TSPAN12: variants seen among roughly 807,000 people sequenced by gnomAD.
TSPAN12 encodes the protein tetraspanin 12.
Under a neutral mutation model 39.2 loss-of-function variants are expected in TSPAN12, and 19 were observed. The observed-to-expected ratio is 0.49, with a 90% CI of 0.34 to 0.71. The LOEUF (loss-of-function observed/expected upper bound fraction) is 0.71. Among genes scored for constraint, TSPAN12 ranks in the 30% least tolerant of loss-of-function variants. The pLI is 0.01. For synonymous variants in TSPAN12, 119 were observed against 124.8 expected, an observed-to-expected ratio of 0.95 and a Z score of 0.31; for missense variants, 314 against 359.9, an observed-to-expected ratio of 0.87 and a Z score of 1.03.
chr7:120,806,529 T>G lies in TSPAN12; in HGVS notation c.612+20A>C, dbSNP rs763351051. 3 of 1,612,004 alleles carry G rather than the reference T, an allele frequency of 1.9e-6. No individual in the cohort carries two copies. The Admixed American group carries it at 5.0e-5, about 27-fold the overall frequency. ...TAAGAAAACATTTATCCATAATAAA[T>G]TAACCATATATGGCCTCACCTCTTG... On this transcript the variant is annotated intron_variant, in intron 7 of 7. Transcript: ENST00000222747.
chr7:120,843,961 T>C (rs1794624496), intron 2 of TSPAN12, among the ~76,000 whole-genome samples: 1 of 152,190 alleles, frequency 6.6e-6, no homozygotes, highest in South Asian at 2.1e-4. Context: ...GGGTAATTTA[T>C]GAAGAAAAGA....
intron 4 of TSPAN12, among the ~76,000 whole-genome samples, chr7:120,825,957 T>C (rs1794278305): frequency 6.6e-6 from 1 of 152,128 alleles, no homozygotes; most frequent in African/African-American, 2.4e-5. Flanking sequence ...GAAAAATAAA[T>C]TAGAACTATA....
At chr7:120,841,205 C>T (rs975494675) in intron 2 of TSPAN12, among the ~76,000 whole-genome samples, 7 of 152,112 alleles carry the variant, frequency 4.6e-5, no homozygotes, top group East Asian at 1.9e-4. Context: ...CAACATGGTA[C>T]GGTCAGAAGC....
At chr7:120,822,535 A>T (rs1794207194) in intron 4 of TSPAN12, among the ~76,000 whole-genome samples, 1 of 144,058 alleles carries the variant, frequency 6.9e-6, no homozygotes, top group Non-Finnish European at 1.5e-5. Context: ...TGCAAAGCAG[A>T]GAGCAGAGTG....
In TSPAN12 at chr7:120,852,687, C is replaced by T. The variant is rs146006059; in HGVS notation, c.66+4011G>A. On this transcript the variant is annotated intron_variant, in intron 2 of 7. Coordinates refer to ENST00000222747, the MANE Select transcript of TSPAN12 (RefSeq NM_012338.4). ...CAGGTGGACAGCTAATCCCTTCCTT[C>T]TGAGGATGTTTACTTGACTTCTCTC... 4.0e-3 allele frequency among the ~76,000 whole-genome samples: 603 copies of T among 152,314 alleles called. 3 individuals carry two copies. Among genetic ancestry groups the T allele is most frequent in the Non-Finnish European group, 6.3e-3 (430 of 68,016 alleles).
chr7:120,806,759 A>G lies in TSPAN12; in HGVS notation c.469-67T>C, dbSNP rs1370847355. 4 of 1,600,602 alleles carry G rather than the reference A, an allele frequency of 2.5e-6. No individual in the cohort carries two copies. The African/African-American group carries it at 5.4e-5, about 22-fold the overall frequency. ...TATTTTCTTAACTTATAGGAGATTA[A>G]ACATCAGTTTTTTAAAATTTTTGTA... is the stretch of plus-strand genomic sequence containing the variant. On this transcript the variant is annotated intron_variant, in intron 6 of 7. Coordinates refer to ENST00000222747, the MANE Select transcript of TSPAN12 (RefSeq NM_012338.4).
intron 7 of TSPAN12, among the ~76,000 whole-genome samples, chr7:120,802,671 G>C (rs967825726): frequency 6.6e-6 from 1 of 152,128 alleles, no homozygotes. Flanking sequence ...ATTGGTTATC[G>C]TATCATCATT....
In TSPAN12 at chr7:120,787,400, G is replaced by C. The variant is rs1164885896; in HGVS notation, c.*1192C>G. 1 of 152,348 alleles carries C rather than the reference G, an allele frequency of 6.6e-6. No individual in the cohort carries two copies. Among genetic ancestry groups the C allele is most frequent in the Non-Finnish European group, 1.5e-5 (1 of 67,948 alleles). The allele number at this position is 152,348 out of a possible 1,614,324, so 9.4% of individuals were successfully genotyped here. On this transcript the variant is annotated 3_prime_UTR_variant, in exon 8 of 8. Coordinates refer to ENST00000222747, the MANE Select transcript of TSPAN12 (RefSeq NM_012338.4). ...AAATAAACAAAATACACAAAATACA[G>C]TAAAATGCACTTTTCCCATTTCAAA...
chr7:120,800,190 G>A (rs79981868), intron 7 of TSPAN12, among the ~76,000 whole-genome samples: 4,136 of 152,064 alleles, frequency 0.027, 181 homozygotes, highest in African/African-American at 0.095. Flanking sequence ...GGCTCAGAGT[G>A]TGAATTCATG....
chr7:120,845,107 A>G (rs1315485585), intron 2 of TSPAN12, among the ~76,000 whole-genome samples: 1 of 152,168 alleles, frequency 6.6e-6, no homozygotes, highest in African/African-American at 2.4e-5. Flanking sequence ...AAGTGGCCTG[A>G]GATGTACCTG....
At chr7:120,834,905 G>A (rs142061677) in intron 4 of TSPAN12, among the ~76,000 whole-genome samples, 19 of 152,032 alleles carry the variant, frequency 1.2e-4, no homozygotes, top group East Asian at 5.8e-4. Context: ...CTATTTTACC[G>A]CCCACCCCTC....
At chr7:120,803,807 G>A (rs1793819501) in intron 7 of TSPAN12, among the ~76,000 whole-genome samples, 1 of 152,086 alleles carries the variant, frequency 6.6e-6, no homozygotes, top group Non-Finnish European at 1.5e-5. Context: ...AATTCATGGA[G>A]CAAGCAATTA....
intron 2 of TSPAN12, among the ~76,000 whole-genome samples, chr7:120,843,862 C>T (rs920642606): frequency 6.6e-6 from 1 of 152,284 alleles, no homozygotes; most frequent in African/African-American, 2.4e-5. Context: ...TATGTGGGTC[C>T]TTAAAACCTT....
At chr7:120,812,760 C>A (rs10268453) in intron 5 of TSPAN12, among the ~76,000 whole-genome samples, 7,262 of 152,104 alleles carry the variant, frequency 0.048, 573 homozygotes, top group African/African-American at 0.17. Context: ...TTAATATTAT[C>A]TCATAACCTT....
intron 2 of TSPAN12, among the ~76,000 whole-genome samples, chr7:120,853,065 A>T (rs904506650): frequency 2.0e-5 from 3 of 151,194 alleles, no homozygotes; most frequent in Admixed American, 6.6e-5. Flanking sequence ...TACATTTCAT[A>T]CTATTCTAAC....
At chr7:120,838,521 A>G (rs545104007) in intron 4 of TSPAN12, among the ~76,000 whole-genome samples, 4 of 152,364 alleles carry the variant, frequency 2.6e-5, no homozygotes, top group Admixed American at 6.5e-5. Flanking sequence ...AGGACACTAG[A>G]AAGAACTCAT....
At position 120,830,650 on chromosome 7, in the gene TSPAN12, T is replaced by A. The variant is rs879432673; in HGVS notation, c.285+8127A>T. ...AGCATAAGCAAAAAAACAACAAAAA[T>A]GTTTTAAAGATTTAAATGTAAGACC... On this transcript the variant is annotated intron_variant, in intron 4 of 7. Transcript: ENST00000222747. Among the ~76,000 whole-genome samples, 81 of 152,130 alleles carry A rather than the reference T, an allele frequency of 5.3e-4. 1 individual carries two copies. The highest frequency in any genetic ancestry group is 1.8e-3 in the African/African-American group (74 of 41,528).
At chr7:120,802,317 G>A (rs2040764) in intron 7 of TSPAN12, among the ~76,000 whole-genome samples, 5,373 of 152,132 alleles carry the variant, frequency 0.035, 140 homozygotes, top group Non-Finnish European at 0.05. Context: ...CAGTTTCCTC[G>A]GCCCAAAACA....
intron 2 of TSPAN12, among the ~76,000 whole-genome samples, chr7:120,856,234 T>C (rs1794867078): frequency 6.6e-6 from 1 of 152,182 alleles, no homozygotes; most frequent in African/African-American, 2.4e-5. Flanking sequence ...ATAGGTTATC[T>C]GGGTGTGAAT....
Sources: allele counts gnomAD v4.1 joint callset (sites outside exome capture counted in the v4.1 genomes callset), GRCh38; gene constraint gnomAD v4.1.1; transcripts MANE v1.5; gene names NCBI Gene and HGNC (gene_info 2026-07-23, HGNC 2026-07-21).